OGA: variants seen among roughly 807,000 people sequenced by gnomAD.
The protein encoded by OGA is protein O-GlcNAcase.
In OGA, 21 loss-of-function variants were observed where a neutral mutation model predicts 102.0. The ratio of observed to expected loss-of-function variants is 0.21; its 90% CI spans 0.15 to 0.30. The LOEUF is 0.30. Ranked by LOEUF, OGA falls within the 10% of genes least tolerant of loss-of-function variation. The pLI, the probability that OGA is intolerant of heterozygous loss-of-function variation, is 1.00. For synonymous variants in OGA, 408 were observed against 378.2 expected (o/e 1.08, Z -0.91); for missense variants, 765 against 1,107.8 (o/e 0.69, Z 4.39).
intron 7 of OGA, among the ~76,000 whole-genome samples, chr10:101,801,470 G>C (rs1234473179): frequency 6.6e-6 from 1 of 151,794 alleles, no homozygotes; most frequent in Admixed American, 6.6e-5. Context: ...TCTGAGCCAG[G>C]ATAGTGGTAG....
At chr10:101,807,663 C>T in intron 5 of OGA, 67 bp downstream of exon 5, 1 of 1,121,462 alleles carries the variant, frequency 8.9e-7, no homozygotes. Flanking sequence ...AGAATGGGGC[C>T]CATGGTCCTT....
At chr10:101,812,613 G>GT (rs1433588344) in intron 3 of OGA, among the ~76,000 whole-genome samples, 3 of 152,124 alleles carry the variant, frequency 2.0e-5, no homozygotes, top group Admixed American at 6.6e-5. Flanking sequence ...ATTAATTTTG[G>GT]TTTTTTAAAA....
At chr10:101,805,782 T>C (rs1589835461) in intron 6 of OGA, among the ~76,000 whole-genome samples, 2 of 150,266 alleles carry the variant, frequency 1.3e-5, no homozygotes, top group East Asian at 2.0e-4. Context: ...GGTGAAACCC[T>C]GTCTCTACTA....
In OGA at chr10:101,793,864, C is replaced by T. The variant is rs530625994; in HGVS notation, c.2070+49G>A. On this transcript the variant is annotated intron_variant, in intron 11 of 15. Transcript: ENST00000361464. ...CCATCTGATGCGCAACATAAGGTTT[C>T]TCATAAAACAAAGAAAATGTCAATT... 257 of 1,409,158 alleles carry T rather than the reference C, an allele frequency of 1.8e-4. 1 individual carries two copies. In the South Asian group the frequency reaches 2.8e-3, roughly 15 times the overall value. 87.3% of individuals were successfully genotyped at this position (1,409,158 alleles called of 1,614,324 possible).
chr10:101,807,734 G>A lies in OGA; in HGVS notation c.648C>T (p.Pro216=), dbSNP rs760938090. The change falls in exon 5 of 16, where the codon CCC becomes CCT. Residue 216 remains proline, a synonymous_variant. Transcript: ENST00000361464. The part of the protein sequence containing the change: ...LGEPETFLFC[P]TEYCGTFCYP... ...TAAAGCCATTATATACAATACCTGT[G>A]GGACAGAAGAGGAAAGTTTCTGGCT... 1.2e-5 allele frequency: 19 copies of A among 1,590,658 alleles called. No homozygotes were observed. The highest frequency in any genetic ancestry group is 1.6e-5 in the Non-Finnish European group (19 of 1,170,134).
In OGA at chr10:101,818,118, A is replaced by C. The variant is rs1488862111; in HGVS notation, c.-96T>G. ...AGCCCTGGAGAGGGCTTCAGCTCCA[A>C]GTGTGCGCCCCTCCGGCTCCTTCCC... On this transcript the variant is annotated 5_prime_UTR_variant, in exon 1 of 16. Coordinates refer to ENST00000361464, the MANE Select transcript of OGA (RefSeq NM_012215.5). 2 of 1,405,488 alleles carry C rather than the reference A, an allele frequency of 1.4e-6. No individual in the cohort carries two copies. The highest frequency in any genetic ancestry group is 1.6e-5 in the South Asian group (1 of 64,240). 87.1% of individuals were successfully genotyped at this position (1,405,488 alleles called of 1,614,324 possible).
At chr10:101,787,777 T>TCC (rs2065208270) in intron 14 of OGA, 2 of 386,948 alleles carry the variant, frequency 5.2e-6, no homozygotes, top group Non-Finnish European at 9.6e-6. Flanking sequence ...TCTCTCTCTC[T>TCC]CTCTTTCCCT....
At chr10:101,790,047 A>T (rs1309214222) in intron 14 of OGA, among the ~76,000 whole-genome samples, 4 of 152,168 alleles carry the variant, frequency 2.6e-5, no homozygotes, top group Non-Finnish European at 4.4e-5. Context: ...TGGGGCATAA[A>T]ACTTTTTTGG....
chr10:101,796,752 T>C (rs920425768), intron 10 of OGA, among the ~76,000 whole-genome samples: 3 of 152,056 alleles, frequency 2.0e-5, no homozygotes, highest in Non-Finnish European at 1.5e-5. Flanking sequence ...TGTATTTTTT[T>C]AGTAGAGATA....
At chr10:101,788,320 T>A (rs1387263022) in intron 14 of OGA, among the ~76,000 whole-genome samples, 1 of 147,828 alleles carries the variant, frequency 6.8e-6, no homozygotes, top group African/African-American at 2.5e-5. Flanking sequence ...GCGCCTGTAG[T>A]CCCAGCAACT....
intron 3 of OGA, among the ~76,000 whole-genome samples, chr10:101,812,302 G>A (rs2065569086): frequency 6.6e-6 from 1 of 152,150 alleles, no homozygotes; most frequent in Non-Finnish European, 1.5e-5. Context: ...AGCACTTTGG[G>A]AGGCTGAGGC....
At chr10:101,802,101 C>T (rs1362591982) in intron 7 of OGA, among the ~76,000 whole-genome samples, 3 of 151,920 alleles carry the variant, frequency 2.0e-5, no homozygotes, top group African/African-American at 4.8e-5. Context: ...GCCAAGATCG[C>T]GCCACTGCAC....
At chr10:101,792,201 TA>T (rs1268734126) in intron 12 of OGA, among the ~76,000 whole-genome samples, 10 of 152,112 alleles carry the variant, frequency 6.6e-5, no homozygotes, top group African/African-American at 9.6e-5. Flanking sequence ...TTTGTATTTT[TA>T]GTAGAGACAA....
chr10:101,793,768 A>T (rs545031029), intron 11 of OGA, 145 bp downstream of exon 11: 1 of 615,360 alleles, frequency 1.6e-6, no homozygotes, highest in African/African-American at 1.8e-5. Flanking sequence ...GGAAAATTTG[A>T]TTTAAAAATC....
intron 7 of OGA, among the ~76,000 whole-genome samples, chr10:101,802,412 G>A (rs530890516): frequency 1.5e-4 from 23 of 152,298 alleles, no homozygotes; most frequent in African/African-American, 5.5e-4. Flanking sequence ...GATGGCTCAC[G>A]CCTGTAATCC....
intron 8 of OGA, 65 bp downstream of exon 8, chr10:101,800,177 G>C: frequency 6.6e-7 from 1 of 1,524,266 alleles, no homozygotes. Flanking sequence ...CCGGGAGACA[G>C]TGTTCTTTAC....
At chr10:101,793,083 C>A (rs1465843732) in intron 11 of OGA, 140 bp from the exon 12 acceptor site, 1 of 582,068 alleles carries the variant, frequency 1.7e-6, no homozygotes, top group Non-Finnish European at 3.0e-6. Flanking sequence ...CTATGCTTTA[C>A]TAATAGAAAT....
intron 5 of OGA, among the ~76,000 whole-genome samples, chr10:101,807,033 C>G (rs1286784412): frequency 6.6e-6 from 1 of 152,156 alleles, no homozygotes. Context: ...TACTCAACTG[C>G]AACTTAAACT....
At chr10:101,809,290 A>G (rs1294036988) in intron 4 of OGA, among the ~76,000 whole-genome samples, 1 of 152,238 alleles carries the variant, frequency 6.6e-6, no homozygotes, top group African/African-American at 2.4e-5. Flanking sequence ...AATAAAGTCC[A>G]GCAGTCAGCA....
Sources: allele counts gnomAD v4.1 joint callset (sites outside exome capture counted in the v4.1 genomes callset), GRCh38; gene constraint gnomAD v4.1.1; transcripts MANE v1.5; gene names NCBI Gene and HGNC (gene_info 2026-07-23, HGNC 2026-07-21).